The following CFAP210 variants were observed in gnomAD, a reference collection of about 807,000 sequenced individuals.
CFAP210 encodes cilia and flagella associated protein 210.
chr2:169,659,485 G>T, the CFAP210 span, among the ~76,000 whole-genome samples: 1 of 152,114 alleles, frequency 6.6e-6, no homozygotes, highest in East Asian at 1.9e-4. Flanking sequence ...GTGTGAAGGG[G>T]GAAGTGCTAC....
At chr2:169,647,897 G>A in the CFAP210 span, among the ~76,000 whole-genome samples, 7 of 152,050 alleles carry the variant, frequency 4.6e-5, no homozygotes, top group East Asian at 1.9e-4. Flanking sequence ...TGGCTCATGC[G>A]TAGTCGTAGC....
the CFAP210 span, among the ~76,000 whole-genome samples, chr2:169,673,526 A>AAT: frequency 5.3e-5 from 8 of 152,076 alleles, no homozygotes; most frequent in East Asian, 3.8e-4. Flanking sequence ...ACAATTTGGT[A>AAT]ATATATATAT....
chr2:169,651,226 G>A, the CFAP210 span, among the ~76,000 whole-genome samples: 5 of 102,040 alleles, frequency 4.9e-5, no homozygotes, highest in Admixed American at 2.0e-4. Context: ...GACTCTGTCT[G>A]AAAAAAAAAA....
the CFAP210 span, chr2:169,694,355 G>C: frequency 7.5e-6 from 12 of 1,609,988 alleles, no homozygotes; most frequent in Admixed American, 3.3e-5. Flanking sequence ...AAAAGTGACT[G>C]TGGCGCCAAG....
chr2:169,694,398 C>T, the CFAP210 span: 1 of 1,470,470 alleles, frequency 6.8e-7, no homozygotes, highest in Non-Finnish European at 9.5e-7. Context: ...AGTTGTTACT[C>T]GTACCACGCG....
At chr2:169,648,190 A>T in the CFAP210 span, 16,413 of 212,496 alleles carry the variant, frequency 0.077, 1,045 homozygotes, top group Middle Eastern at 0.14. Flanking sequence ...AAAAAAAAAA[A>T]GTGAAAACCA....
chr2:169,649,252 T>C, the CFAP210 span: 1 of 1,613,974 alleles, frequency 6.2e-7, no homozygotes, highest in South Asian at 1.1e-5. Flanking sequence ...CTCCTTTTCA[T>C]GTTCCCAGAA....
the CFAP210 span, among the ~76,000 whole-genome samples, chr2:169,677,972 G>C: frequency 2.0e-5 from 3 of 152,100 alleles, no homozygotes; most frequent in Non-Finnish European, 4.4e-5. Flanking sequence ...TTAAAAATAT[G>C]AAATATTTAG....
the CFAP210 span, chr2:169,649,063 A>G: frequency 5.1e-6 from 4 of 791,560 alleles, no homozygotes; most frequent in Admixed American, 9.2e-5. Context: ...TTATTGTGTC[A>G]TAACCATAAT....
the CFAP210 span, among the ~76,000 whole-genome samples, chr2:169,677,494 T>TA: frequency 1.3e-5 from 2 of 152,166 alleles, no homozygotes; most frequent in African/African-American, 4.8e-5. Context: ...AAAAGTACTT[T>TA]AAAAAATCTA....
At chr2:169,681,156 T>C in the CFAP210 span, 3 of 1,613,992 alleles carry the variant, frequency 1.9e-6, no homozygotes. Flanking sequence ...TGTGGAATTA[T>C]GGTGACCTGC....
the CFAP210 span, among the ~76,000 whole-genome samples, chr2:169,677,086 A>G: frequency 1.3e-5 from 2 of 152,208 alleles, no homozygotes; most frequent in African/African-American, 2.4e-5. Flanking sequence ...AGAGAGGAGC[A>G]CAGCAAAAGC....
chr2:169,667,908 T>C, the CFAP210 span, among the ~76,000 whole-genome samples: 1 of 152,142 alleles, frequency 6.6e-6, no homozygotes, highest in Non-Finnish European at 1.5e-5. Context: ...AAATGAGCAA[T>C]GGCTTCAACT....
the CFAP210 span, among the ~76,000 whole-genome samples, chr2:169,666,068 C>T: frequency 1.3e-5 from 2 of 152,106 alleles, no homozygotes; most frequent in Non-Finnish European, 2.9e-5. Context: ...TAGGCATCAT[C>T]ACCTGGCTAT....
chr2:169,657,960 AAAAT>A, the CFAP210 span, among the ~76,000 whole-genome samples: 2 of 152,242 alleles, frequency 1.3e-5, no homozygotes, highest in African/African-American at 4.8e-5. Context: ...AAAAAATAAT[AAAAT>A]AAATAAAAAT....
At chr2:169,652,035 A>C in the CFAP210 span, among the ~76,000 whole-genome samples, 4 of 152,160 alleles carry the variant, frequency 2.6e-5, no homozygotes, top group Admixed American at 2.6e-4. Context: ...TAAGAGCCTA[A>C]GCATGTGCCT....
the CFAP210 span, among the ~76,000 whole-genome samples, chr2:169,671,906 C>T: frequency 2.1e-4 from 32 of 152,260 alleles, no homozygotes; most frequent in East Asian, 2.1e-3. Flanking sequence ...GAATAAATAG[C>T]CTATTTTGAA....
the CFAP210 span, among the ~76,000 whole-genome samples, chr2:169,670,109 A>G: frequency 1.3e-5 from 2 of 152,164 alleles, no homozygotes; most frequent in Non-Finnish European, 2.9e-5. Context: ...GACAGTAATT[A>G]GTGAGTTTTT....
At chr2:169,661,064 G>C in the CFAP210 span, 1 of 532,120 alleles carries the variant, frequency 1.9e-6, no homozygotes, top group Non-Finnish European at 3.8e-6. Flanking sequence ...ACTAGATGCT[G>C]GGTGGGAGAA....
Sources: allele counts gnomAD v4.1 joint callset (sites outside exome capture counted in the v4.1 genomes callset), GRCh38; gene constraint gnomAD v4.1.1; transcripts MANE v1.5; gene names NCBI Gene and HGNC (gene_info 2026-07-23, HGNC 2026-07-21).